Variants in KLHL29 observed in about 807,000 individuals in gnomAD.
The protein encoded by KLHL29 is kelch like family member 29.
KLHL29 carries 21 observed loss-of-function variants against 80.4 expected under a neutral mutation model. The ratio of observed to expected loss-of-function variants is 0.26; its 90% CI spans 0.19 to 0.38. The LOEUF is 0.38. Ranked by LOEUF, KLHL29 falls within the 10% of genes least tolerant of loss-of-function variation. The probability of loss-of-function intolerance (pLI) is 1.00; values close to 1 mark genes in which losing one functional copy is unlikely to be tolerated. For missense variants in KLHL29, 867 were observed against 1,223.9 expected (o/e 0.71, Z 4.35); for synonymous variants, 511 against 526.8 (o/e 0.97, Z 0.41).
intron 3 of KLHL29, among the ~76,000 whole-genome samples, chr2:23,627,551 C>A (rs1045536864): frequency 6.6e-6 from 1 of 152,236 alleles, no homozygotes; most frequent in Non-Finnish European, 1.5e-5. Flanking sequence ...GTCTTGAAGT[C>A]CCCACAATAA....
intron 3 of KLHL29, among the ~76,000 whole-genome samples, chr2:23,576,410 C>G (rs918546721): frequency 5.3e-5 from 8 of 151,794 alleles, no homozygotes; most frequent in African/African-American, 1.5e-4. Context: ...GTACCCATAA[C>G]TCATATTAAT....
chr2:23,468,545 C>G (rs190340622), intron 1 of KLHL29, among the ~76,000 whole-genome samples: 70 of 152,314 alleles, frequency 4.6e-4, no homozygotes, highest in Non-Finnish European at 7.2e-4. Flanking sequence ...GAGACACCGC[C>G]CCCCTCCCCG....
intron 3 of KLHL29, among the ~76,000 whole-genome samples, chr2:23,638,297 G>A (rs1314709481): frequency 6.6e-6 from 1 of 151,916 alleles, no homozygotes; most frequent in African/African-American, 2.4e-5. Context: ...TAAGCATTTT[G>A]TCATCAAGAA....
At chr2:23,505,507 A>G (rs1433281961) in intron 2 of KLHL29, among the ~76,000 whole-genome samples, 1 of 151,930 alleles carries the variant, frequency 6.6e-6, no homozygotes, top group Non-Finnish European at 1.5e-5. Flanking sequence ...ATGTGGCTTC[A>G]TCCCTCTGCC....
At chr2:23,418,723 G>A (rs1662682153) in intron 1 of KLHL29, among the ~76,000 whole-genome samples, 2 of 152,178 alleles carry the variant, frequency 1.3e-5, no homozygotes, top group Admixed American at 1.3e-4. Context: ...AACTTTGTTA[G>A]TGACTTAACC....
intron 1 of KLHL29, among the ~76,000 whole-genome samples, chr2:23,405,230 A>G (rs932291816): frequency 6.6e-6 from 1 of 152,036 alleles, no homozygotes; most frequent in African/African-American, 2.4e-5. Flanking sequence ...TAAAGGTAAT[A>G]CCTTTTTTTC....
intron 3 of KLHL29, among the ~76,000 whole-genome samples, chr2:23,569,230 G>A (rs1572407041): frequency 6.6e-6 from 1 of 152,304 alleles, no homozygotes; most frequent in Non-Finnish European, 1.5e-5. Context: ...AAATCCACTT[G>A]GGAAAACAAA....
intron 2 of KLHL29, among the ~76,000 whole-genome samples, chr2:23,549,116 C>T (rs1667058216): frequency 6.6e-6 from 1 of 152,190 alleles, no homozygotes; most frequent in Admixed American, 6.5e-5. Context: ...CTGGAGGTCA[C>T]AGGGAAGGTC....
At position 23,700,516 on chromosome 2, in the gene KLHL29, AT is replaced by A. The variant is rs1672296787; in HGVS notation, c.2106-2669del. ...CAACTCCATGTTCAGCAACATCCCTATGGTAGCTTGAAATCAGCCAAGTGGG... is the reference window on the plus strand; with the variant it reads ...CAACTCCATGTTCAGCAACATCCCTAGGTAGCTTGAAATCAGCCAAGTGGG... On this transcript the variant is annotated intron_variant, in intron 11 of 13. Transcript: ENST00000486442. This position sits in a 1 kb window ranked among gnomAD's most constrained non-coding sequence, Gnocchi z 4.6. 6.6e-6 allele frequency among the ~76,000 whole-genome samples: 1 copy of A among 152,162 alleles called. No homozygotes were observed. The highest frequency in any genetic ancestry group is 1.5e-5 in the Non-Finnish European group (1 of 68,044).
At chr2:23,568,915 G>T (rs72849625) in intron 3 of KLHL29, among the ~76,000 whole-genome samples, 1 of 152,068 alleles carries the variant, frequency 6.6e-6, no homozygotes, top group East Asian at 1.9e-4. Flanking sequence ...CAGGACCCAC[G>T]TACATCTATC....
At chr2:23,572,131 C>G (rs887408239) in intron 3 of KLHL29, among the ~76,000 whole-genome samples, 5 of 152,220 alleles carry the variant, frequency 3.3e-5, no homozygotes, top group Non-Finnish European at 7.3e-5. Flanking sequence ...GTGTTTCTGT[C>G]TGAGGGAAAT....
intron 2 of KLHL29, among the ~76,000 whole-genome samples, chr2:23,506,679 T>A (rs541538273): frequency 1.6e-4 from 25 of 152,288 alleles, no homozygotes; most frequent in Middle Eastern, 6.8e-3. Context: ...ACTCATTACA[T>A]CAGAGCATTA....
intron 6 of KLHL29, among the ~76,000 whole-genome samples, chr2:23,686,903 A>G (rs139574753): frequency 8.6e-4 from 131 of 152,314 alleles, no homozygotes; most frequent in Non-Finnish European, 1.6e-3. Flanking sequence ...TTGCAGCCAC[A>G]GAGCACACAT....
intron 1 of KLHL29, among the ~76,000 whole-genome samples, chr2:23,469,040 G>A (rs1049824217): frequency 2.6e-5 from 4 of 152,192 alleles, no homozygotes; most frequent in Non-Finnish European, 5.9e-5. Flanking sequence ...CATGGCTCTC[G>A]CCTATTTCTT....
At chr2:23,401,573 C>G (rs1017501508) in intron 1 of KLHL29, among the ~76,000 whole-genome samples, 2 of 152,220 alleles carry the variant, frequency 1.3e-5, no homozygotes, top group African/African-American at 4.8e-5. Flanking sequence ...ATGACAGAGA[C>G]ATGGAGTGTG....
Position 23,406,014 on chromosome 2 carries a change from C to A in KLHL29, c.-154+20234C>A, listed in dbSNP as rs182469644. Among the ~76,000 whole-genome samples, 208 of 152,222 alleles carry A rather than the reference C, an allele frequency of 1.4e-3. 2 individuals carry two copies. Among genetic ancestry groups the A allele is most frequent in the African/African-American group, 4.9e-3 (203 of 41,534 alleles). On this transcript the variant is annotated intron_variant, in intron 1 of 13. Transcript: ENST00000486442. ...TGTGTAAAATGTTCAGGTATAACAA[C>A]AAAGTAATAATCTCTAATAAATATA...
At chr2:23,391,221 G>A (rs1165401699) in intron 1 of KLHL29, among the ~76,000 whole-genome samples, 3 of 152,150 alleles carry the variant, frequency 2.0e-5, no homozygotes, top group African/African-American at 7.2e-5. Flanking sequence ...TTGTGGCATG[G>A]GACAGGCTTT....
chr2:23,419,719 C>A (rs1015971577), intron 1 of KLHL29, among the ~76,000 whole-genome samples: 1 of 152,148 alleles, frequency 6.6e-6, no homozygotes, highest in Admixed American at 6.5e-5. Context: ...TGCTGAGGCC[C>A]GTGTCGCAGT....
At chr2:23,691,260 T>A in intron 6 of KLHL29, 2 of 255,536 alleles carry the variant, frequency 7.8e-6, no homozygotes, top group South Asian at 1.0e-4. Flanking sequence ...CTCCCAAGCC[T>A]GGGTCACGTT....
Sources: gnomAD v4.1 joint callset for allele counts (sites outside exome capture counted in the v4.1 genomes callset) on GRCh38, gnomAD v4.1.1 for gene constraint, Gnocchi (gnomAD v3.1) non-coding constraint, MANE v1.5 for transcripts, NCBI Gene and HGNC (gene_info 2026-07-23, HGNC 2026-07-21) for gene names.